Variants in EXD3 observed in about 807,000 individuals in gnomAD.
EXD3 encodes the protein exonuclease mut-7 homolog.
A neutral mutation model predicts 98.0 loss-of-function variants in EXD3; 92 were observed. That is an observed-to-expected ratio of 0.94 (90% CI 0.79 to 1.12). The LOEUF is 1.12. EXD3 is among the 50% of genes most tolerant of loss of function. The pLI is 0.00. For synonymous variants in EXD3, 569 were observed against 526.0 expected (o/e 1.08, Z -1.12); for missense variants, 1,222 against 1,191.6 (o/e 1.03, Z -0.38).
intron 1 of EXD3, among the ~76,000 whole-genome samples, chr9:137,399,898 G>A (rs550244262): frequency 4.5e-4 from 68 of 152,210 alleles, no homozygotes; most frequent in African/African-American, 1.6e-3. Flanking sequence ...GCAGCCAGGC[G>A]TGGTGGTGGT....
intron 2 of EXD3, chr9:137,392,784 AG>A: frequency 4.1e-6 from 1 of 244,386 alleles, no homozygotes. Context: ...AGGCTGTTCC[AG>A]GGGGCATCGA....
intron 21 of EXD3, among the ~76,000 whole-genome samples, 161 bp from the exon 22 acceptor site, chr9:137,307,424 C>T (rs1236158200): frequency 6.6e-6 from 1 of 152,204 alleles, no homozygotes; most frequent in Non-Finnish European, 1.5e-5. Context: ...CCTCCACTTC[C>T]TCTTCTGTGC....
intron 3 of EXD3, among the ~76,000 whole-genome samples, chr9:137,379,762 C>G (rs886352877): frequency 3.9e-5 from 6 of 151,992 alleles, no homozygotes; most frequent in Admixed American, 1.3e-4. Flanking sequence ...CTCGCCCAGG[C>G]TGGTTTCTGT....
chr9:137,354,401 C>T (rs749626911), intron 9 of EXD3, 24 bp from the exon 10 acceptor site: 146 of 1,611,996 alleles, frequency 9.1e-5, no homozygotes, highest in Non-Finnish European at 1.2e-4. Flanking sequence ...CAGGAAGGGG[C>T]GGTTGCCAGG....
intron 17 of EXD3, among the ~76,000 whole-genome samples, chr9:137,335,648 C>T (rs1430152208): frequency 6.6e-6 from 1 of 152,094 alleles, no homozygotes; most frequent in Non-Finnish European, 1.5e-5. Context: ...CCATTGCACT[C>T]CAGCCTGGCA....
At chr9:137,330,123 AC>A (rs1832937787) in intron 17 of EXD3, among the ~76,000 whole-genome samples, 1 of 135,296 alleles carries the variant, frequency 7.4e-6, no homozygotes, top group Non-Finnish European at 1.6e-5. Flanking sequence ...CAGGAGCTAC[AC>A]AGGAGCTACA....
Position 137,317,763 on chromosome 9 carries a change from C to T in EXD3, c.2184+5962G>A, listed in dbSNP as rs546759034. ...CAGGTGCCATCACTCCCTCTTTGTC[C>T]CCAGCCTGGGTGTCGTGCTAGGCCC... On this transcript the variant is annotated intron_variant, in intron 19 of 21. Transcript: ENST00000340951. Among the ~76,000 whole-genome samples the T allele has an allele frequency of 2.6e-4, 39 of 152,250 alleles. No individual in the cohort carries two copies. In the East Asian group the frequency reaches 5.0e-3, roughly 20 times the overall value.
chr9:137,363,407 G>A lies in EXD3; in HGVS notation c.656+3086C>T, dbSNP rs572046542. Among the ~76,000 whole-genome samples the A allele has an allele frequency of 1.1e-4, 16 of 144,226 alleles. No homozygotes were observed. In the South Asian group the frequency reaches 1.6e-3, roughly 14 times the overall value. The allele number at this position is 144,226 out of a possible 152,430, so 94.6% of individuals were successfully genotyped here. A position where few individuals can be genotyped will look rare whatever the true frequency, so the allele number is the denominator to read the frequency against. On this transcript the variant is annotated intron_variant, in intron 7 of 21. Transcript: ENST00000340951. ...GGCTGGAGTGCAGTGGCGTGATCTC[G>A]GCTCACTGCAAACTCTGCCTCCTGG... is the stretch of plus-strand genomic sequence containing the variant.
At chr9:137,325,596 C>T (rs1014022864) in intron 17 of EXD3, among the ~76,000 whole-genome samples, 2 of 152,120 alleles carry the variant, frequency 1.3e-5, no homozygotes, top group South Asian at 2.1e-4. Context: ...GCACACCCAG[C>T]TAATTTTTGT....
chr9:137,361,668 C>T (rs1284443735), intron 7 of EXD3, among the ~76,000 whole-genome samples: 2 of 150,658 alleles, frequency 1.3e-5, no homozygotes, highest in East Asian at 4.0e-4. Context: ...ATTACTTGAA[C>T]CCGGGAGGCG....
At chr9:137,362,093 G>C (rs549999910) in intron 7 of EXD3, among the ~76,000 whole-genome samples, 1 of 152,296 alleles carries the variant, frequency 6.6e-6, no homozygotes, top group South Asian at 2.1e-4. Context: ...TTAGAGGTTA[G>C]AGGTAATACC....
At chr9:137,388,065 C>G (rs1293869823) in intron 2 of EXD3, among the ~76,000 whole-genome samples, 1 of 152,276 alleles carries the variant, frequency 6.6e-6, no homozygotes, top group East Asian at 1.9e-4. Context: ...AGGAGGACAC[C>G]TAGAAAAAAC....
chr9:137,307,130 C>G lies in EXD3; in HGVS notation c.2451G>C (p.Pro817=), dbSNP rs371442328. Residue 817 remains proline (P), a synonymous_variant, in exon 22 of 22, where the codon CCG becomes CCC. Coordinates refer to ENST00000340951, the MANE Select transcript of EXD3 (RefSeq NM_017820.5). The stretch of plus-strand genomic sequence containing the variant: ...GCCCAGGTGTCCTCAGCACACCCAC[C>G]GGGACCCCTGCCAGCTGCAGCCGGG... ...DGTRLQLAGV[P]VGVLRTPGLR... 1.4e-5 allele frequency: 23 copies of G among 1,601,804 alleles called. No homozygotes were observed. Among genetic ancestry groups the G allele is most frequent in the Non-Finnish European group, 2.0e-5 (23 of 1,175,122 alleles).
chr9:137,369,972 T>A (rs2131671341), intron 5 of EXD3, among the ~76,000 whole-genome samples: 1 of 152,304 alleles, frequency 6.6e-6, no homozygotes, highest in Admixed American at 6.5e-5. Context: ...GCCCCCAGCA[T>A]CTGTGTCCAC....
chr9:137,307,911 T>G (rs373127469), intron 20 of EXD3, among the ~76,000 whole-genome samples: 54 of 151,966 alleles, frequency 3.6e-4, no homozygotes, highest in African/African-American at 1.3e-3. Context: ...AGGCGCGAGA[T>G]CTGCTGATTA....
intron 17 of EXD3, among the ~76,000 whole-genome samples, chr9:137,346,909 C>T (rs1442204323): frequency 2.0e-5 from 3 of 152,018 alleles, no homozygotes; most frequent in South Asian, 2.1e-4. Flanking sequence ...CTCTGCCTCC[C>T]GGGTTCAAGC....
intron 2 of EXD3, among the ~76,000 whole-genome samples, chr9:137,386,674 C>A (rs146126138): frequency 6.6e-6 from 1 of 152,160 alleles, no homozygotes; most frequent in Non-Finnish European, 1.5e-5. Context: ...ATCCTCCCAG[C>A]CTCCAACCTC....
At chr9:137,388,918 C>T (rs1464910983) in intron 2 of EXD3, among the ~76,000 whole-genome samples, 1 of 152,224 alleles carries the variant, frequency 6.6e-6, no homozygotes, top group East Asian at 1.9e-4. Flanking sequence ...AGCACCCCGC[C>T]TGGGTCAGTC....
intron 1 of EXD3, among the ~76,000 whole-genome samples, chr9:137,404,021 C>T (rs892844115): frequency 1.3e-5 from 2 of 148,612 alleles, no homozygotes; most frequent in African/African-American, 2.5e-5. Flanking sequence ...GGCTGCAGCT[C>T]TGAGACTGGG....
Sources: allele counts gnomAD v4.1 joint callset (sites outside exome capture counted in the v4.1 genomes callset), GRCh38; gene constraint gnomAD v4.1.1; transcripts MANE v1.5; gene names NCBI Gene and HGNC (gene_info 2026-07-23, HGNC 2026-07-21).